KLC2: variants seen among roughly 807,000 people sequenced by gnomAD.
KLC2 encodes the protein KLC 2.
Under a neutral mutation model 75.1 loss-of-function variants are expected in KLC2, and 35 were observed. The observed-to-expected ratio is 0.47, with a 90% CI of 0.36 to 0.62. The LOEUF is 0.62. Ranked by LOEUF, KLC2 falls within the 20% of genes least tolerant of loss-of-function variation. KLC2 has a pLI of 0.00. For missense variants in KLC2, 611 were observed against 833.2 expected (o/e 0.73, Z 3.28); for synonymous variants, 314 against 336.7 (o/e 0.93, Z 0.74).
In KLC2 at chr11:66,263,927, A is replaced by G. The variant is rs771232762; in HGVS notation, c.917A>G (p.Lys306Arg). The G allele has an allele frequency of 2.5e-6, 4 of 1,614,052 alleles. No homozygotes were observed. The highest frequency in any genetic ancestry group is 1.7e-5 in the Admixed American group (1 of 60,012). ...TACAAGGAGGCTGAGCCATTGTGCA[A>G]GCGGGCACTGGAGATCCGGGAGAAG... ...GKYKEAEPLC[K>R]RALEIREKVL... Residue 306 changes from lysine (K) to arginine (R), a missense_variant, in exon 7 of 16, where the codon AAG (lysine) becomes AGG (arginine). Lys to Arg is a conservative substitution (Grantham distance 26). Transcript: ENST00000394067.
chr11:66,266,381 A>G (rs1856825610), intron 14 of KLC2, 52 bp from the exon 15 acceptor site: 2 of 1,221,576 alleles, frequency 1.6e-6, no homozygotes, highest in Admixed American at 1.8e-5. Context: ...CCCTGCCCCC[A>G]TCTCCCGTGA....
upstream of KLC2, among the ~76,000 whole-genome samples, chr11:66,255,577 GC>G (rs957481054): frequency 6.6e-6 from 1 of 152,176 alleles, no homozygotes; most frequent in African/African-American, 2.4e-5. Flanking sequence ...AACCTCAGGG[GC>G]CCTGGAGGAA....
At chr11:66,263,269 C>A (rs991207113) in intron 5 of KLC2, among the ~76,000 whole-genome samples, 1 of 152,134 alleles carries the variant, frequency 6.6e-6, no homozygotes, top group Admixed American at 6.5e-5. Context: ...GGCACCAAGG[C>A]TGGAGGAGGG....
chr11:66,262,342 T>C (rs1207233683), intron 4 of KLC2, 150 bp downstream of exon 4: 43 of 654,436 alleles, frequency 6.6e-5, no homozygotes, highest in East Asian at 5.2e-4. Flanking sequence ...TACGTGCTGC[T>C]GCTTCTCACA....
In KLC2 at chr11:66,262,234, G is replaced by A. The variant is rs768473955; in HGVS notation, c.529+42G>A. ...CTGGAGTGGGGGAAGGAAAGGTTGT[G>A]TGAACTCTTGGTCCTTGGGACCGAG... On this transcript the variant is annotated intron_variant, in intron 4 of 15. Transcript: ENST00000394067. 2.0e-5 allele frequency: 31 copies of A among 1,534,454 alleles called. No individual in the cohort carries two copies. In the Admixed American group the frequency reaches 5.2e-4, roughly 26 times the overall value.
intron 12 of KLC2, 42 bp from the exon 13 acceptor site, chr11:66,265,812 G>C: frequency 6.2e-7 from 1 of 1,602,254 alleles, no homozygotes; most frequent in Non-Finnish European, 8.5e-7. Flanking sequence ...GTGGCCCTGG[G>C]TGTGGTCCAT....
At chr11:66,245,073 C>T in the KLC2 span, 2 of 152,310 alleles carry the variant, frequency 1.3e-5, no homozygotes, top group Non-Finnish European at 2.9e-5. Context: ...CTCTCCCCTG[C>T]TCCAGGTTGG....
intron 7 of KLC2, 26 bp downstream of exon 7, chr11:66,263,978 C>CCGGGGG (rs757396216): frequency 1.4e-5 from 23 of 1,612,316 alleles, no homozygotes; most frequent in Non-Finnish European, 1.9e-5. Context: ...GCTGGGCAGG[C>CCGGGGG]TGGGGGTCTG....
chr11:66,245,714 C>CA, the KLC2 span, among the ~76,000 whole-genome samples: 6,962 of 128,684 alleles, frequency 0.054, 221 homozygotes, highest in Non-Finnish European at 0.076. Flanking sequence ...GACTCCGTCT[C>CA]AAAAAAAAAA....
chr11:66,262,564 T>C, intron 4 of KLC2: 1 of 579,742 alleles, frequency 1.7e-6, no homozygotes, highest in Non-Finnish European at 3.1e-6. Context: ...CTCCACTCTG[T>C]ACACAGGGAC....
At position 66,265,750 on chromosome 11, in the gene KLC2, G is replaced by T. The variant is rs758920420; in HGVS notation, c.1430G>T (p.Arg477Leu). The change falls in exon 12 of 16, where the codon CGT becomes CTT. Residue 477 changes from arginine to leucine, a missense_variant. Physicochemically the swap from Arg to Leu is moderately radical, Grantham distance 102 (BLOSUM62 -2). Coordinates refer to ENST00000394067, the MANE Select transcript of KLC2 (RefSeq NM_001318734.2). ...AAHTLEDCAS[R>L]NRKQGLDPAS... ...CACACACTAGAGGACTGTGCCAGCCGTAACCGCAAGCAGGTGGGGCTCCAT... is the reference window on the plus strand; with the variant it reads ...CACACACTAGAGGACTGTGCCAGCCTTAACCGCAAGCAGGTGGGGCTCCAT... The T allele has an allele frequency of 6.2e-7, 1 of 1,613,642 alleles. No homozygotes were observed. Among genetic ancestry groups the T allele is most frequent in the African/African-American group, 1.3e-5 (1 of 75,036 alleles).
Position 66,267,726 on chromosome 11 carries a change from C to T in KLC2, c.*770C>T, listed in dbSNP as rs1286472919. ...CCACCGAGCCATCCTGCCTCGCCTC[C>T]CCCCACGCCTGCAGCTTCTCGCGAG... On this transcript the variant is annotated 3_prime_UTR_variant, in exon 16 of 16. Coordinates refer to ENST00000394067, the MANE Select transcript of KLC2 (RefSeq NM_001318734.2). 2 of 489,178 alleles carry T rather than the reference C, an allele frequency of 4.1e-6. No individual in the cohort carries two copies. The highest frequency in any genetic ancestry group is 7.2e-6 in the Non-Finnish European group (2 of 279,000). 30.3% of individuals were successfully genotyped at this position (489,178 alleles called of 1,614,324 possible). A position where few individuals can be genotyped will look rare whatever the true frequency, so the allele number is the denominator to read the frequency against.
chr11:66,256,349 C>T (rs907887347), upstream of KLC2, among the ~76,000 whole-genome samples: 1 of 151,974 alleles, frequency 6.6e-6, no homozygotes, highest in Non-Finnish European at 1.5e-5. Flanking sequence ...CAGGCTGGGC[C>T]GAGGCCAAGG....
chr11:66,248,172 T>C, the KLC2 span, among the ~76,000 whole-genome samples: 1 of 152,230 alleles, frequency 6.6e-6, no homozygotes, highest in Non-Finnish European at 1.5e-5. Context: ...AAGTAAACTA[T>C]TTTAGAATAC....
At position 66,267,097 on chromosome 11, in the gene KLC2, C is replaced by A. The variant is rs1391662832; in HGVS notation, c.*141C>A. 42 of 1,533,478 alleles carry A rather than the reference C, an allele frequency of 2.7e-5. No homozygotes were observed. Among genetic ancestry groups the A allele is most frequent in the Middle Eastern group, 1.8e-4 (1 of 5,436 alleles). 95.0% of individuals were successfully genotyped at this position (1,533,478 alleles called of 1,614,324 possible). On this transcript the variant is annotated 3_prime_UTR_variant, in exon 16 of 16. Coordinates refer to ENST00000394067, the MANE Select transcript of KLC2 (RefSeq NM_001318734.2). ...TGTTCAATCTCAGGGTAACCTTCTC[C>A]CTTGTCATCTCAGCCTGAGCCCTGG...
upstream of KLC2, among the ~76,000 whole-genome samples, chr11:66,252,424 C>T (rs111348901): frequency 2.4e-3 from 235 of 95,936 alleles, 5 homozygotes; most frequent in Non-Finnish European, 1.1e-3. Context: ...CCACCATGCC[C>T]GGCTAATTTT....
In KLC2 at chr11:66,267,807, G is replaced by C. The variant is rs1856952554; in HGVS notation, c.*851G>C. ...GGCTCCCCCTGTTGCGGGTGAGGCG[G>C]CTGCTCTCATATTTTCAGATGTTGC... On this transcript the variant is annotated 3_prime_UTR_variant, in exon 16 of 16. Transcript: ENST00000394067. The C allele has an allele frequency of 3.3e-6, 1 of 301,810 alleles. No homozygotes were observed. Among genetic ancestry groups the C allele is most frequent in the Non-Finnish European group, 5.2e-6 (1 of 191,118 alleles). The allele number at this position is 301,810 out of a possible 1,614,324, so 18.7% of individuals were successfully genotyped here.
At chr11:66,246,011 T>A in the KLC2 span, 1 of 152,306 alleles carries the variant, frequency 6.6e-6, no homozygotes, top group Non-Finnish European at 1.5e-5. Context: ...AGTCTTGGGT[T>A]CCCCAAGCCC....
upstream of KLC2, among the ~76,000 whole-genome samples, chr11:66,254,447 C>T (rs1855987182): frequency 6.6e-6 from 1 of 151,834 alleles, no homozygotes; most frequent in Non-Finnish European, 1.5e-5. Flanking sequence ...GGGATGATCG[C>T]TTGATCCCAG....
Sources: gnomAD v4.1 joint callset for allele counts (sites outside exome capture counted in the v4.1 genomes callset) on GRCh38, gnomAD v4.1.1 for gene constraint, MANE v1.5 for transcripts, NCBI Gene and HGNC (gene_info 2026-07-23, HGNC 2026-07-21) for gene names.